IDO2: variants seen among roughly 807,000 people sequenced by gnomAD.
The protein encoded by IDO2 is indoleamine 2,3-dioxygenase 2.
Under a neutral mutation model 45.1 loss-of-function variants are expected in IDO2, and 46 were observed. That is an observed-to-expected ratio of 1.02 (90% CI 0.80 to 1.30). The LOEUF is 1.30. Among genes scored for constraint, IDO2 ranks in the 50% most tolerant of loss-of-function variants. The pLI is 0.00. For synonymous variants in IDO2, 218 were observed against 184.9 expected, an observed-to-expected ratio of 1.18 and a Z score of -1.45; for missense variants, 544 against 491.8, an observed-to-expected ratio of 1.11 and a Z score of -1.00.
chr8:39,939,251 A>G (rs199838940), intron 1 of IDO2, among the ~76,000 whole-genome samples: 60,566 of 144,668 alleles, frequency 0.42, 12,990 homozygotes, highest in East Asian at 0.57. Flanking sequence ...TCAAAAAAAA[A>G]AAAAAAAAAA....
At chr8:39,993,594 C>T (rs1360550374) in intron 8 of IDO2, among the ~76,000 whole-genome samples, 2 of 152,274 alleles carry the variant, frequency 1.3e-5, no homozygotes, top group Non-Finnish European at 2.9e-5. Flanking sequence ...CCATCTCAGC[C>T]TGTGAACTTA....
intron 5 of IDO2, 135 bp from the exon 6 acceptor site, chr8:39,985,373 C>A: frequency 1.4e-6 from 1 of 710,938 alleles, no homozygotes. Context: ...TGTGTGCCTG[C>A]AGTGCCTTGC....
intron 3 of IDO2, among the ~76,000 whole-genome samples, chr8:39,976,092 G>C (rs992513107): frequency 2.0e-5 from 3 of 152,036 alleles, no homozygotes; most frequent in African/African-American, 7.2e-5. Context: ...CTATTCCCCT[G>C]CCTCTGCCTC....
At chr8:39,992,300 A>T (rs1406863696) in intron 8 of IDO2, among the ~76,000 whole-genome samples, 1 of 152,200 alleles carries the variant, frequency 6.6e-6, no homozygotes, top group Non-Finnish European at 1.5e-5. Context: ...CTACCCTGAG[A>T]TCACTCTGCT....
rs111269729 is a variant in IDO2 at position 39,974,028 on chromosome 8, C to G, written c.196-5039C>G. Among the ~76,000 whole-genome samples the G allele has an allele frequency of 9.6e-3, 1,468 of 152,300 alleles. 25 individuals are homozygous for G. Among genetic ancestry groups the G allele is most frequent in the African/African-American group, 0.033 (1,374 of 41,560 alleles). The stretch of plus-strand genomic sequence containing the variant: ...GTGCTGGGATTACAGGTGTGAGCCA[C>G]TGTGCCCAGCCAAAATAATGTTTGT... On this transcript the variant is annotated intron_variant, in intron 3 of 10. Coordinates refer to ENST00000502986, the Ensembl canonical transcript of IDO2.
In IDO2 at chr8:39,934,833, G is replaced by T. The variant is rs560200188; in HGVS notation, c.-403G>T. ...CAATGAATGCAAAGGCTGGTGCCTG[G>T]AAATATTGTGACTTTGCCACAGAAA... On this transcript the variant is annotated 5_prime_UTR_variant, in exon 1 of 11. It introduces an in-frame stop codon into an upstream open reading frame of the 5' UTR. Coordinates refer to ENST00000502986, the Ensembl canonical transcript of IDO2. The T allele has an allele frequency of 8.5e-6, 3 of 350,884 alleles. No homozygotes were observed. The highest frequency in any genetic ancestry group is 1.6e-5 in the Non-Finnish European group (3 of 192,464). The allele number at this position is 350,884 out of a possible 1,614,324, so 21.7% of individuals were successfully genotyped here.
chr8:39,942,447 C>A (rs1035755059), intron 1 of IDO2, among the ~76,000 whole-genome samples: 1 of 152,132 alleles, frequency 6.6e-6, no homozygotes, highest in African/African-American at 2.4e-5. Context: ...AGTTTGAGAC[C>A]AGCCTGGCCA....
rs187323746 is a variant in IDO2 at position 39,985,628 on chromosome 8, T to G, written c.449+106T>G. The G allele has an allele frequency of 8.2e-3, 7,397 of 905,702 alleles. 82 individuals carry two copies. The highest frequency in any genetic ancestry group is 0.027 in the Admixed American group (969 of 36,420). The allele number at this position is 905,702 out of a possible 1,614,324, so 56.1% of individuals were successfully genotyped here. A position where few individuals can be genotyped will look rare whatever the true frequency, so the allele number is the denominator to read the frequency against. On this transcript the variant is annotated intron_variant, in intron 6 of 10. Transcript: ENST00000502986. ...GCTAAATTATATGTATAATATAATATCAACCATATAAAATGCATAAAAAAT... is the reference window on the plus strand; with the variant it reads ...GCTAAATTATATGTATAATATAATAGCAACCATATAAAATGCATAAAAAAT...
chr8:40,014,154 G>T (rs2129595645), intron 10 of IDO2, among the ~76,000 whole-genome samples: 1 of 152,220 alleles, frequency 6.6e-6, no homozygotes, highest in Middle Eastern at 3.4e-3. Context: ...CTATCACCCT[G>T]GAAGCTTGAA....
intron 8 of IDO2, among the ~76,000 whole-genome samples, chr8:40,003,860 T>C (rs1162292805): frequency 6.6e-6 from 1 of 152,250 alleles, no homozygotes. Context: ...ATATGCACCA[T>C]AGGCTTTCTG....
At chr8:39,939,662 T>TGGA (rs1807614507) in intron 1 of IDO2, among the ~76,000 whole-genome samples, 1 of 139,144 alleles carries the variant, frequency 7.2e-6, no homozygotes, top group Admixed American at 7.4e-5. Context: ...TAAAGAAGGA[T>TGGA]AGATGTCATG....
At chr8:40,005,405 T>A (rs373152339) in intron 9 of IDO2, 27 bp downstream of exon 9, 2 of 1,469,852 alleles carry the variant, frequency 1.4e-6, no homozygotes, top group Non-Finnish European at 1.9e-6. Context: ...TGTTTTCCTG[T>A]GTGAAGTCTC....
intron 1 of IDO2, among the ~76,000 whole-genome samples, chr8:39,938,737 A>G (rs1807594372): frequency 6.6e-6 from 1 of 152,198 alleles, no homozygotes; most frequent in African/African-American, 2.4e-5. Flanking sequence ...TTAAAACTCA[A>G]AAATAAGAAA....
At chr8:39,946,248 A>G (rs1585395407) in intron 1 of IDO2, among the ~76,000 whole-genome samples, 1 of 152,138 alleles carries the variant, frequency 6.6e-6, no homozygotes, top group East Asian at 1.9e-4. Flanking sequence ...TTGACTCTCT[A>G]TGATTTCATC....
chr8:40,001,108 T>C (rs1429562190), intron 8 of IDO2, among the ~76,000 whole-genome samples: 2 of 152,180 alleles, frequency 1.3e-5, no homozygotes, highest in Non-Finnish European at 2.9e-5. Flanking sequence ...AGATTGATTA[T>C]AGGCGTGTGC....
At chr8:40,015,521 C>A in exon 11 of IDO2, 1 of 1,614,022 alleles carries the variant, frequency 6.2e-7, no homozygotes, top group Non-Finnish European at 8.5e-7. Context: ...AAGACAGGGG[C>A]ACAGGTGGAA....
rs1460957110 is a variant in IDO2 at position 39,982,895 on chromosome 8, T to C, written c.434+125T>C. On this transcript the variant is annotated intron_variant, in intron 5 of 10. Transcript: ENST00000502986. ...GTATGGTTCCAAAGAAGGGGTGAGC[T>C]TGACCAAAAATTCAAATATCACAGG... 4.9e-6 allele frequency: 3 copies of C among 614,792 alleles called. No homozygotes were observed. In the Admixed American group the frequency reaches 9.7e-5, roughly 20 times the overall value. 38.1% of individuals were successfully genotyped at this position (614,792 alleles called of 1,614,324 possible). A position where few individuals can be genotyped will look rare whatever the true frequency, so the allele number is the denominator to read the frequency against.
chr8:40,002,512 G>A (rs1036358832), intron 8 of IDO2, among the ~76,000 whole-genome samples: 3 of 152,088 alleles, frequency 2.0e-5, no homozygotes, highest in Admixed American at 1.3e-4. Flanking sequence ...ATCTATGTTG[G>A]AGCTGGGCGC....
Position 39,979,201 on chromosome 8 carries a change from G to A in IDO2, c.315+15G>A, listed in dbSNP as rs780947449. 1 of 1,567,758 alleles carries A rather than the reference G, an allele frequency of 6.4e-7. No homozygotes were observed. Among genetic ancestry groups the A allele is most frequent in the Admixed American group, 1.9e-5 (1 of 52,746 alleles). On this transcript the variant is annotated intron_variant, in intron 4 of 10. Transcript: ENST00000502986. The stretch of plus-strand genomic sequence containing the variant: ...AGCCTGCAGAGGTGAGGGCCAGAGA[G>A]CAGCTTCTCCTGTTACCCGGCAGGT...
Sources: allele counts gnomAD v4.1 joint callset (sites outside exome capture counted in the v4.1 genomes callset), GRCh38; gene constraint gnomAD v4.1.1; transcripts MANE v1.5; gene names NCBI Gene and HGNC (gene_info 2026-07-23, HGNC 2026-07-21).